RPS6KC1: variants seen among roughly 807,000 people sequenced by gnomAD.
RPS6KC1 encodes the protein ribosomal protein S6 kinase C1.
A neutral mutation model predicts 103.8 loss-of-function variants in RPS6KC1; 54 were observed. That is an observed-to-expected ratio of 0.52 (90% CI 0.42 to 0.65). The LOEUF (loss-of-function observed/expected upper bound fraction) is 0.65, where lower values mean the gene tolerates loss of function less well. Among genes scored for constraint, RPS6KC1 ranks in the 30% least tolerant of loss-of-function variants. The pLI is 0.00. For synonymous variants in RPS6KC1, 439 were observed against 438.7 expected (o/e 1.00, Z -0.01); for missense variants, 1,151 against 1,253.8 (o/e 0.92, Z 1.24).
intron 10 of RPS6KC1, among the ~76,000 whole-genome samples, chr1:213,236,069 A>C (rs991346481): frequency 6.6e-6 from 1 of 152,098 alleles, no homozygotes; most frequent in Non-Finnish European, 1.5e-5. Flanking sequence ...TTCTCATAGG[A>C]GCACAAACCC....
chr1:213,728,217 A>T, the RPS6KC1 span, among the ~76,000 whole-genome samples: 1 of 152,090 alleles, frequency 6.6e-6, no homozygotes, highest in South Asian at 2.1e-4. Flanking sequence ...TTTCGCAGAG[A>T]CTAAGAGTCT....
At chr1:213,762,824 T>G in the RPS6KC1 span, among the ~76,000 whole-genome samples, 1 of 152,048 alleles carries the variant, frequency 6.6e-6, no homozygotes, top group African/African-American at 2.4e-5. Flanking sequence ...TAGACAAATG[T>G]ATAGTTTGAG....
downstream of RPS6KC1, among the ~76,000 whole-genome samples, chr1:213,275,085 T>TCACTTAG (rs2095109144): frequency 6.6e-6 from 1 of 152,208 alleles, no homozygotes; most frequent in Non-Finnish European, 1.5e-5. Context: ...TGTCCTTATT[T>TCACTTAG]CACTTAGCAA....
intron 5 of RPS6KC1, among the ~76,000 whole-genome samples, chr1:213,118,181 A>T (rs6671019): frequency 0.45 from 68,181 of 151,690 alleles, 19,093 homozygotes; most frequent in Non-Finnish European, 0.62. Flanking sequence ...AAATGAGTCT[A>T]AATCAAGTTT....
chr1:213,211,079 G>GT (rs1382425183), intron 8 of RPS6KC1, among the ~76,000 whole-genome samples: 24 of 152,314 alleles, frequency 1.6e-4, no homozygotes, highest in Admixed American at 4.6e-4. Flanking sequence ...CAGCATCAGA[G>GT]TATTTGGTTT....
chr1:213,582,425 A>G, the RPS6KC1 span, among the ~76,000 whole-genome samples: 1 of 152,134 alleles, frequency 6.6e-6, no homozygotes. Context: ...CAAAACACCT[A>G]AAATCCTTAC....
At chr1:213,436,745 C>T in the RPS6KC1 span, among the ~76,000 whole-genome samples, 3 of 152,060 alleles carry the variant, frequency 2.0e-5, no homozygotes, top group Non-Finnish European at 4.4e-5. Context: ...AGATTTACTC[C>T]TAGGTATTTG....
At chr1:213,452,351 G>A in the RPS6KC1 span, among the ~76,000 whole-genome samples, 21 of 149,914 alleles carry the variant, frequency 1.4e-4, no homozygotes, top group African/African-American at 5.1e-4. Context: ...AAAAAAAAAG[G>A]AACATCAACC....
At chr1:213,191,665 C>G (rs1014392351) in intron 8 of RPS6KC1, among the ~76,000 whole-genome samples, 3 of 151,936 alleles carry the variant, frequency 2.0e-5, no homozygotes, top group African/African-American at 4.8e-5. Context: ...GCAAAGACTT[C>G]TGGTACTGTA....
At chr1:213,798,782 C>T in the RPS6KC1 span, among the ~76,000 whole-genome samples, 3 of 152,170 alleles carry the variant, frequency 2.0e-5, no homozygotes, top group Non-Finnish European at 4.4e-5. Flanking sequence ...GCGTGCCTCA[C>T]GTGGGGGCAA....
chr1:213,704,343 G>C, the RPS6KC1 span, among the ~76,000 whole-genome samples: 1 of 135,138 alleles, frequency 7.4e-6, no homozygotes, highest in Non-Finnish European at 1.5e-5. Flanking sequence ...AGCCGAGATT[G>C]CGCCACTGCA....
At chr1:213,748,412 C>A in the RPS6KC1 span, among the ~76,000 whole-genome samples, 16 of 152,104 alleles carry the variant, frequency 1.1e-4, no homozygotes, top group East Asian at 1.2e-3. Flanking sequence ...CAAAAATATA[C>A]CTTGAATGAT....
At chr1:213,201,341 A>G (rs7532561) in intron 8 of RPS6KC1, among the ~76,000 whole-genome samples, 5,556 of 152,316 alleles carry the variant, frequency 0.036, 287 homozygotes, top group African/African-American at 0.12. Context: ...TACTAATTGA[A>G]AGATGACAAC....
At chr1:213,574,750 G>A in the RPS6KC1 span, among the ~76,000 whole-genome samples, 8 of 152,268 alleles carry the variant, frequency 5.3e-5, no homozygotes, top group Admixed American at 1.3e-4. Flanking sequence ...GTGGGAAGTC[G>A]AAGGCCCCAG....
chr1:213,424,291 G>A, the RPS6KC1 span, among the ~76,000 whole-genome samples: 28 of 152,242 alleles, frequency 1.8e-4, no homozygotes, highest in East Asian at 3.9e-4. Flanking sequence ...TTCTTTTCTT[G>A]TTCTTTCCAA....
chr1:213,844,293 T>C, the RPS6KC1 span, among the ~76,000 whole-genome samples: 1 of 152,212 alleles, frequency 6.6e-6, no homozygotes, highest in Non-Finnish European at 1.5e-5. Flanking sequence ...CACTGCCAAC[T>C]TTTATATTTA....
chr1:213,296,372 G>C, the RPS6KC1 span, among the ~76,000 whole-genome samples: 5 of 152,184 alleles, frequency 3.3e-5, no homozygotes, highest in Non-Finnish European at 5.9e-5. Context: ...CAAAGGCTTA[G>C]GTGGTACTTC....
the RPS6KC1 span, among the ~76,000 whole-genome samples, chr1:213,347,403 A>G: frequency 6.6e-6 from 1 of 152,222 alleles, no homozygotes; most frequent in East Asian, 1.9e-4. Flanking sequence ...TTATGTATGT[A>G]TATTACAATG....
intron 8 of RPS6KC1, among the ~76,000 whole-genome samples, chr1:213,183,354 G>A (rs1184808160): frequency 6.6e-6 from 1 of 152,070 alleles, no homozygotes; most frequent in African/African-American, 2.4e-5. Flanking sequence ...AAGAACAGCA[G>A]ACTACACATT....
Sources: gnomAD v4.1 joint callset for allele counts (sites outside exome capture counted in the v4.1 genomes callset) on GRCh38, gnomAD v4.1.1 for gene constraint, MANE v1.5 for transcripts, NCBI Gene and HGNC (gene_info 2026-07-23, HGNC 2026-07-21) for gene names.